LRP1B: variants seen among roughly 807,000 people sequenced by gnomAD.
The protein encoded by LRP1B is low-density lipoprotein receptor-related protein 1B.
LRP1B carries 217 observed loss-of-function variants against 556.6 expected under a neutral mutation model. The observed-to-expected ratio is 0.39, with a 90% CI of 0.35 to 0.44. The LOEUF (loss-of-function observed/expected upper bound fraction) is 0.44. Among genes scored for constraint, LRP1B ranks in the 20% least tolerant of loss-of-function variants. The pLI is 1.00. For synonymous variants in LRP1B, 2,047 were observed against 1,865.8 expected (o/e 1.10, Z -2.50); for missense variants, 5,053 against 5,620.8 (o/e 0.90, Z 3.23).
Position 140,493,563 on chromosome 2 carries a change from G to A in LRP1B, c.9035-870C>T, listed in dbSNP as rs140074969. Among the ~76,000 whole-genome samples the A allele has an allele frequency of 3.9e-3, 538 of 139,310 alleles. 8 individuals carry two copies. Among genetic ancestry groups the A allele is most frequent in the African/African-American group, 0.013 (503 of 37,660 alleles). The allele number at this position is 139,310 out of a possible 152,430, so 91.4% of individuals were successfully genotyped here. On this transcript the variant is annotated intron_variant, in intron 56 of 90. Coordinates refer to ENST00000389484, the MANE Select transcript of LRP1B (RefSeq NM_018557.3). Reference sequence around the variant, plus strand: ...CCTAGATTCATTTGGTGAATAATTTGCCCAAGCATTTTAACATCTTTTTTT... The same window carrying A: ...CCTAGATTCATTTGGTGAATAATTTACCCAAGCATTTTAACATCTTTTTTT...
chr2:140,371,436 CATTTAAATT>C, intron 69 of LRP1B, 151 bp from the exon 70 acceptor site: 1 of 370,016 alleles, frequency 2.7e-6, no homozygotes, highest in Non-Finnish European at 4.9e-6. Flanking sequence ...ATTACAGATT[CATTTAAATT>C]ATTTAAATAA....
intron 63 of LRP1B, among the ~76,000 whole-genome samples, chr2:140,445,598 C>T (rs1272588530): frequency 1.3e-4 from 17 of 135,986 alleles, no homozygotes; most frequent in African/African-American, 5.3e-5. Flanking sequence ...AGTGATAATG[C>T]ATTTTATCAT....
chr2:140,750,055 A>G (rs527900596), intron 35 of LRP1B, among the ~76,000 whole-genome samples: 9 of 150,074 alleles, frequency 6.0e-5, no homozygotes, highest in African/African-American at 2.2e-4. Flanking sequence ...TAGGTGGTAC[A>G]TGACTGTATA....
At chr2:140,377,518 G>A (rs561809645) in intron 68 of LRP1B, among the ~76,000 whole-genome samples, 12 of 152,118 alleles carry the variant, frequency 7.9e-5, no homozygotes, top group Admixed American at 1.3e-4. Context: ...ATATAATCAT[G>A]TGTTGTTTAT....
At chr2:140,588,995 T>C (rs1309843482) in intron 43 of LRP1B, among the ~76,000 whole-genome samples, 3 of 148,812 alleles carry the variant, frequency 2.0e-5, no homozygotes, top group African/African-American at 7.4e-5. Flanking sequence ...TGGACATCCA[T>C]AGGCAAAAAA....
At chr2:140,901,029 T>A (rs531742181) in intron 23 of LRP1B, among the ~76,000 whole-genome samples, 237 of 152,308 alleles carry the variant, frequency 1.6e-3, no homozygotes, top group African/African-American at 5.2e-3. Flanking sequence ...GTGCTTTTTT[T>A]AAAATAATTT....
chr2:141,354,099 C>A lies in LRP1B; in HGVS notation c.344-99458G>T, dbSNP rs201893207. On this transcript the variant is annotated intron_variant, in intron 3 of 90. Coordinates refer to ENST00000389484, the MANE Select transcript of LRP1B (RefSeq NM_018557.3). ...GAGAAGACTGAGGATCAAAAACCTA[C>A]CTCTCGGGTACTATGCTTATCACCT... is the stretch of plus-strand genomic sequence containing the variant. 2.0e-5 allele frequency among the ~76,000 whole-genome samples: 3 copies of A among 151,898 alleles called. No individual in the cohort carries two copies. The East Asian group carries it at 5.8e-4, about 29-fold the overall frequency.
intron 7 of LRP1B, among the ~76,000 whole-genome samples, chr2:141,094,419 T>G (rs188694635): frequency 4.6e-5 from 7 of 152,124 alleles, no homozygotes; most frequent in Non-Finnish European, 1.0e-4. Flanking sequence ...AATTTTAGTG[T>G]TTAAGGGGGT....
intron 59 of LRP1B, among the ~76,000 whole-genome samples, chr2:140,483,673 C>G (rs1688349561): frequency 8.4e-6 from 1 of 119,332 alleles, no homozygotes; most frequent in African/African-American, 3.3e-5. Context: ...CACTGTCTGG[C>G]TGTGTCACCC....
rs567637050 is a variant in LRP1B, at chr2:140,328,000, TTAA to T, written c.12224-2125_12224-2123del. Among the ~76,000 whole-genome samples the T allele has an allele frequency of 2.1e-4, 32 of 152,160 alleles. No individual in the cohort carries two copies. In the South Asian group the frequency reaches 4.4e-3, roughly 21 times the overall value. ...AGAGATAGTCTTCTAAATTAAAAAGTTAATAAAGGAATCAACTAACTTTTCCTG... is the reference window on the plus strand; with the variant it reads ...AGAGATAGTCTTCTAAATTAAAAAGTTAAAGGAATCAACTAACTTTTCCTG... On this transcript the variant is annotated intron_variant, in intron 79 of 90. Coordinates refer to ENST00000389484, the MANE Select transcript of LRP1B (RefSeq NM_018557.3).
chr2:142,094,872 T>TA (rs1015785615), intron 1 of LRP1B, among the ~76,000 whole-genome samples: 2 of 151,842 alleles, frequency 1.3e-5, no homozygotes, highest in Non-Finnish European at 2.9e-5. Context: ...TATAATTGGA[T>TA]AAGTGAATCG....
intron 63 of LRP1B, among the ~76,000 whole-genome samples, chr2:140,448,956 A>G (rs1232295828): frequency 6.6e-6 from 1 of 152,072 alleles, no homozygotes; most frequent in East Asian, 1.9e-4. Context: ...CAGATAACAG[A>G]TGTCTTTCAG....
intron 6 of LRP1B, among the ~76,000 whole-genome samples, chr2:141,222,543 T>C (rs1223557516): frequency 6.6e-6 from 1 of 152,210 alleles, no homozygotes; most frequent in South Asian, 2.1e-4. Flanking sequence ...GCTAGCATTA[T>C]CCAGATACCA....
chr2:141,108,911 CTAATGAAATACCACCAGGTTAGGA>C (rs145022598), intron 7 of LRP1B, among the ~76,000 whole-genome samples: 1,960 of 152,160 alleles, frequency 0.013, 43 homozygotes, highest in African/African-American at 0.044. Context: ...TTTTGTAAAA[CTAATGAAATACCACCAGGTTAGGA>C]GTATGATGGG....
intron 2 of LRP1B, among the ~76,000 whole-genome samples, chr2:141,595,592 T>C (rs1424417405): frequency 1.3e-5 from 2 of 152,154 alleles, no homozygotes; most frequent in East Asian, 3.8e-4. Context: ...TATCATTCTT[T>C]TATGTAATGT....
rs773378865 is a variant in LRP1B, at chr2:141,079,155, AAAAACAAAAC to A, written c.1014-16892_1014-16883del. 9.9e-5 allele frequency among the ~76,000 whole-genome samples: 15 copies of A among 152,268 alleles called. No individual in the cohort carries two copies. In the South Asian group the frequency reaches 1.0e-3, roughly 10 times the overall value. On this transcript the variant is annotated intron_variant, in intron 7 of 90. Transcript: ENST00000389484. The stretch of plus-strand genomic sequence containing the variant: ...ATTTTGACCATCATTTGCAAGTATA[AAAAACAAAAC>A]AAAACAAACAAACAAACAAAAACAG...
chr2:140,527,684 T>A (rs200970020), intron 47 of LRP1B, among the ~76,000 whole-genome samples: 4 of 68 alleles, frequency 0.059, no homozygotes, highest in Non-Finnish European at 0.5. Flanking sequence ...CGGAAAAAAG[T>A]TTTTTTTCTT....
intron 7 of LRP1B, among the ~76,000 whole-genome samples, chr2:141,069,497 C>T (rs1385549042): frequency 1.3e-5 from 2 of 152,136 alleles, no homozygotes; most frequent in East Asian, 3.9e-4. Context: ...GGAGTCTAGG[C>T]CCTATCAGCA....
chr2:141,670,050 G>A (rs1038320962), intron 2 of LRP1B, among the ~76,000 whole-genome samples: 2 of 152,156 alleles, frequency 1.3e-5, no homozygotes, highest in African/African-American at 4.8e-5. Context: ...ACTGCGCCCA[G>A]CCATCATTCT....
Sources: allele counts gnomAD v4.1 joint callset (sites outside exome capture counted in the v4.1 genomes callset), GRCh38; gene constraint gnomAD v4.1.1; transcripts MANE v1.5; gene names NCBI Gene and HGNC (gene_info 2026-07-23, HGNC 2026-07-21).